The following CDH13 variants were observed in gnomAD, a reference collection of about 807,000 sequenced individuals.
CDH13 encodes cadherin 13.
In CDH13, 24 loss-of-function variants were observed where a neutral mutation model predicts 63.8. The observed-to-expected ratio is 0.38, with a 90% confidence interval of 0.27 to 0.53. The LOEUF is 0.53. Ranked by LOEUF, CDH13 falls within the 20% of genes least tolerant of loss-of-function variation. The pLI, the probability that CDH13 is intolerant of heterozygous loss-of-function variation, is 0.85. For synonymous variants in CDH13, 503 were observed against 355.3 expected, an observed-to-expected ratio of 1.42 and a Z score of -4.67; for missense variants, 1,049 against 903.1, an observed-to-expected ratio of 1.16 and a Z score of -2.07.
chr16:83,345,614 C>G (rs2090823271), intron 6 of CDH13, among the ~76,000 whole-genome samples: 1 of 152,192 alleles, frequency 6.6e-6, no homozygotes, highest in Admixed American at 6.5e-5. Flanking sequence ...TTTAACCTTT[C>G]TATCAGGGAC....
chr16:83,141,127 C>A (rs952832450), intron 4 of CDH13, among the ~76,000 whole-genome samples: 1 of 152,186 alleles, frequency 6.6e-6, no homozygotes, highest in African/African-American at 2.4e-5. Flanking sequence ...TATCTTCTCC[C>A]TCTCCTGATT....
chr16:82,884,502 G>A, intron 2 of CDH13: 1 of 247,638 alleles, frequency 4.0e-6, no homozygotes. Flanking sequence ...GTCACCCAAG[G>A]TAAGCCAGGG....
chr16:82,832,830 A>G (rs2038606043), intron 1 of CDH13, among the ~76,000 whole-genome samples: 1 of 152,238 alleles, frequency 6.6e-6, no homozygotes, highest in Admixed American at 6.5e-5. Context: ...AATCGTTGAA[A>G]TAGTATCTGA....
chr16:83,683,865 T>G (rs1904278085), intron 10 of CDH13, among the ~76,000 whole-genome samples: 1 of 152,224 alleles, frequency 6.6e-6, no homozygotes, highest in South Asian at 2.1e-4. Flanking sequence ...TGTCACAGTT[T>G]AGAAAGTCCT....
At chr16:83,180,345 C>T (rs930654632) in intron 4 of CDH13, among the ~76,000 whole-genome samples, 6 of 150,292 alleles carry the variant, frequency 4.0e-5, no homozygotes, top group African/African-American at 1.5e-4. Context: ...TTTTTTTTTT[C>T]ACATCCTTTC....
intron 8 of CDH13, among the ~76,000 whole-genome samples, chr16:83,649,162 G>T (rs8064125): frequency 2.0e-5 from 3 of 152,258 alleles, no homozygotes; most frequent in Non-Finnish European, 2.9e-5. Context: ...AGTGGCCACA[G>T]GCTGCTGTTG....
intron 7 of CDH13, among the ~76,000 whole-genome samples, chr16:83,598,893 C>G (rs866737949): frequency 2.6e-5 from 4 of 152,298 alleles, no homozygotes; most frequent in South Asian, 4.1e-4. Context: ...TTTCCCTAAG[C>G]GTTCTGAAAG....
At chr16:83,216,512 G>A (rs2039535534) in intron 4 of CDH13, among the ~76,000 whole-genome samples, 1 of 124,544 alleles carries the variant, frequency 8.0e-6, no homozygotes, top group Non-Finnish European at 1.7e-5. Context: ...TAATACATAG[G>A]GATTTAATAT....
At chr16:83,530,990 CCT>C (rs1476471135) in intron 7 of CDH13, among the ~76,000 whole-genome samples, 10 of 152,160 alleles carry the variant, frequency 6.6e-5, no homozygotes, top group Non-Finnish European at 1.3e-4. Context: ...TCCTCCATTT[CCT>C]GTCCTCTAAA....
Position 83,678,321 on chromosome 16 carries a change from C to G in CDH13, c.1398C>G (p.Ile466Met), listed in dbSNP as rs962918977. ...CCAGCTCCACAGCCACCGTCCACAT[C>G]ACTGTCCTGGATGTCAACGAGGGCC... is the stretch of plus-strand genomic sequence containing the variant. The part of the protein sequence containing the change: ...YGPSSTATVH[I>M]TVLDVNEGPV... The change falls in exon 10 of 14, where the codon ATC (isoleucine) becomes ATG (methionine). Residue 466 changes from isoleucine to methionine, a missense_variant. Ile to Met is a conservative substitution (Grantham distance 10). Coordinates refer to ENST00000567109, the MANE Select transcript of CDH13 (RefSeq NM_001257.5). 1 of 1,614,052 alleles carries G rather than the reference C, an allele frequency of 6.2e-7. No individual in the cohort carries two copies. The highest frequency in any genetic ancestry group is 8.5e-7 in the Non-Finnish European group (1 of 1,179,908).
chr16:83,078,479 C>G (rs2033010319), intron 3 of CDH13, among the ~76,000 whole-genome samples: 1 of 152,198 alleles, frequency 6.6e-6, no homozygotes, highest in South Asian at 2.1e-4. Context: ...CTTTGTACTC[C>G]TATAAGAGTC....
intron 5 of CDH13, among the ~76,000 whole-genome samples, chr16:83,308,887 A>G (rs1396415552): frequency 2.0e-5 from 3 of 152,220 alleles, no homozygotes; most frequent in Non-Finnish European, 2.9e-5. Flanking sequence ...AAAACCATCA[A>G]CTAGAAGAGA....
At position 83,795,024 on chromosome 16, in the gene CDH13, T is replaced by G; in HGVS notation, c.2136T>G (p.Cys712Trp). ...VLLLSLFSLA[C>W]L ...TAACTCTGAACCCTCTCTATTCAGG[T>G]CTGTGAGAACTCCTGACGTCTGAAG... The change falls in exon 14 of 14, where the codon TGT (cysteine) becomes TGG (tryptophan). Residue 712 changes from cysteine to tryptophan, a missense_variant and splice_region_variant. Cys to Trp is a radical substitution (Grantham distance 215). Coordinates refer to ENST00000567109, the MANE Select transcript of CDH13 (RefSeq NM_001257.5). 6.3e-7 allele frequency: 1 copy of G among 1,594,826 alleles called. No homozygotes were observed. Among genetic ancestry groups the G allele is most frequent in the Non-Finnish European group, 8.5e-7 (1 of 1,170,220 alleles).
chr16:83,401,691 G>A (rs2091970433), intron 6 of CDH13, among the ~76,000 whole-genome samples: 2 of 152,050 alleles, frequency 1.3e-5, no homozygotes, highest in African/African-American at 4.8e-5. Context: ...GAGGCACCAA[G>A]AGGATCTTAC....
intron 5 of CDH13, among the ~76,000 whole-genome samples, chr16:83,304,320 A>T (rs899500064): frequency 6.6e-6 from 1 of 152,172 alleles, no homozygotes; most frequent in East Asian, 1.9e-4. Context: ...GTGAGGCAAG[A>T]TTGGAATCTT....
chr16:82,791,397 A>C (rs2126368), intron 1 of CDH13, among the ~76,000 whole-genome samples: 104,925 of 152,092 alleles, frequency 0.69, 36,976 homozygotes, highest in South Asian at 0.84. Flanking sequence ...GTAAAGAAGT[A>C]GTCAAATCAT....
At chr16:83,658,298 C>T (rs201854461) in intron 8 of CDH13, among the ~76,000 whole-genome samples, 10 of 96,424 alleles carry the variant, frequency 1.0e-4, no homozygotes, top group Non-Finnish European at 1.4e-4. Context: ...CTCATGTCCT[C>T]ACCACCAGGT....
At chr16:82,639,346 T>C (rs1567579386) in intron 1 of CDH13, 1 of 1,527,402 alleles carries the variant, frequency 6.5e-7, no homozygotes, top group Admixed American at 2.0e-5. Context: ...CTCCATGTCC[T>C]TGCTTTTGAC....
At chr16:83,214,319 C>T (rs1056062722) in intron 4 of CDH13, among the ~76,000 whole-genome samples, 1 of 152,034 alleles carries the variant, frequency 6.6e-6, no homozygotes, top group African/African-American at 2.4e-5. Flanking sequence ...GTGGCTCACA[C>T]CTGTAATCCC....
Sources: allele counts gnomAD v4.1 joint callset (sites outside exome capture counted in the v4.1 genomes callset), GRCh38; gene constraint gnomAD v4.1.1; transcripts MANE v1.5; gene names NCBI Gene and HGNC (gene_info 2026-07-23, HGNC 2026-07-21).